Variants in ZFR2 observed in about 807,000 individuals in gnomAD.
The protein encoded by ZFR2 is zinc finger RNA binding protein 2.
Under a neutral mutation model 105.7 loss-of-function variants are expected in ZFR2, and 104 were observed. That is an observed-to-expected ratio of 0.98 (90% CI 0.84 to 1.16). The LOEUF is 1.16. Ranked by LOEUF, ZFR2 falls within the 50% of genes most tolerant of loss-of-function variation. The pLI is 0.00. For missense variants in ZFR2, 1,425 were observed against 1,355.5 expected (o/e 1.05, Z -0.80); for synonymous variants, 634 against 597.7 (o/e 1.06, Z -0.89).
chr19:3,831,174 T>G, intron 5 of ZFR2, 129 bp downstream of exon 5: 1 of 1,322,606 alleles, frequency 7.6e-7, no homozygotes, highest in Non-Finnish European at 1.0e-6. Context: ...GCATACAACA[T>G]GCAAGTTAAC....
At chr19:3,848,452 T>C (rs1169580950) in intron 1 of ZFR2, among the ~76,000 whole-genome samples, 2 of 152,036 alleles carry the variant, frequency 1.3e-5, no homozygotes, top group Admixed American at 1.3e-4. Context: ...GTCTCACACC[T>C]GTAATCCCAG....
intron 13 of ZFR2, among the ~76,000 whole-genome samples, chr19:3,816,262 T>C (rs1360254944): frequency 6.7e-6 from 1 of 150,250 alleles, no homozygotes; most frequent in Admixed American, 6.7e-5. Context: ...TTTTTTTTTT[T>C]TGAGACCCAG....
chr19:3,840,272 C>G (rs574510893), intron 1 of ZFR2, among the ~76,000 whole-genome samples: 1 of 151,386 alleles, frequency 6.6e-6, no homozygotes, highest in Non-Finnish European at 1.5e-5. Context: ...CAGTCTTGCT[C>G]TGTCGCCCAG....
intron 11 of ZFR2, among the ~76,000 whole-genome samples, 160 bp from the exon 12 acceptor site, chr19:3,819,395 G>A (rs887338948): frequency 6.6e-6 from 1 of 152,204 alleles, no homozygotes; most frequent in African/African-American, 2.4e-5. Context: ...CCCGGGGTGG[G>A]GAACAGGGAA....
chr19:3,868,372 C>T (rs1415879671), intron 1 of ZFR2, among the ~76,000 whole-genome samples: 1 of 149,388 alleles, frequency 6.7e-6, no homozygotes, highest in Admixed American at 6.7e-5. Flanking sequence ...TCTTCTCCTC[C>T]CCCCGCAATC....
intron 13 of ZFR2, among the ~76,000 whole-genome samples, chr19:3,815,709 G>T (rs1247849710): frequency 6.6e-6 from 1 of 151,350 alleles, no homozygotes; most frequent in Non-Finnish European, 1.5e-5. Context: ...TCAGCTCCCT[G>T]AGTAGCTGGG....
At chr19:3,833,042 T>C (rs1232536081) in intron 3 of ZFR2, among the ~76,000 whole-genome samples, 2 of 143,604 alleles carry the variant, frequency 1.4e-5, no homozygotes, top group East Asian at 4.3e-4. Context: ...ATGTCAGGAG[T>C]TCAAGACCAG....
At chr19:3,809,078 C>A in intron 16 of ZFR2, 95 bp from the exon 17 acceptor site, 1 of 937,274 alleles carries the variant, frequency 1.1e-6, no homozygotes, top group South Asian at 1.9e-5. Flanking sequence ...GGAGGCCCCC[C>A]TCAGCTCTTT....
chr19:3,860,925 C>T (rs1451466091), intron 1 of ZFR2, among the ~76,000 whole-genome samples: 1 of 152,146 alleles, frequency 6.6e-6, no homozygotes, highest in Admixed American at 6.5e-5. Context: ...CCCAGGTTCT[C>T]ATGAGCAACC....
intron 1 of ZFR2, chr19:3,852,281 C>G: frequency 1.6e-6 from 1 of 606,554 alleles, no homozygotes; most frequent in Non-Finnish European, 3.0e-6. Flanking sequence ...GGTGGCTCTC[C>G]TGGCTGAGGT....
rs934955511 is a variant in ZFR2, at chr19:3,823,676, C to G, written c.1214-273G>C. ...TCGCTTGAGGAACCCACCGACAGCA[C>G]AAAATCCACAGTTAATAGACCATGA... On this transcript the variant is annotated intron_variant, in intron 7 of 18. Transcript: ENST00000262961. The surrounding 1 kb of genome is among the most constrained non-coding windows in gnomAD (Gnocchi z 5.4). Among the ~76,000 whole-genome samples the G allele has an allele frequency of 1.3e-5, 2 of 152,204 alleles. No homozygotes were observed. The highest frequency in any genetic ancestry group is 2.9e-5 in the Non-Finnish European group (2 of 68,046).
In ZFR2 at chr19:3,838,321, C is replaced by T. The variant is rs536752201; in HGVS notation, c.54-3338G>A. 6.6e-6 allele frequency among the ~76,000 whole-genome samples: 1 copy of T among 152,316 alleles called. No individual in the cohort carries two copies. The highest frequency in any genetic ancestry group is 6.5e-5 in the Admixed American group (1 of 15,292). ...GAACACTATGACAGTGGCAGTACTC[C>T]TGTTCCCACACTCCCTCCCGTAGGT... On this transcript the variant is annotated intron_variant, in intron 1 of 18. Transcript: ENST00000262961. The surrounding 1 kb of genome is among the most constrained non-coding windows in gnomAD (Gnocchi z 4.9).
At chr19:3,829,783 G>A (rs1170934228) in intron 5 of ZFR2, among the ~76,000 whole-genome samples, 2 of 152,176 alleles carry the variant, frequency 1.3e-5, no homozygotes, top group African/African-American at 4.8e-5. Flanking sequence ...CAAGGTGCTG[G>A]GATTACAGGC....
intron 1 of ZFR2, among the ~76,000 whole-genome samples, chr19:3,862,354 A>G (rs2038383113): frequency 6.6e-6 from 1 of 152,020 alleles, no homozygotes; most frequent in South Asian, 2.1e-4. Context: ...CTGGAGTGCA[A>G]TGGCGCAATC....
At chr19:3,829,401 G>A (rs953019064) in intron 5 of ZFR2, among the ~76,000 whole-genome samples, 1 of 152,134 alleles carries the variant, frequency 6.6e-6, no homozygotes, top group Non-Finnish European at 1.5e-5. Context: ...ACACCAAGAT[G>A]CTACCGCTAA....
At chr19:3,865,936 C>T (rs2038422356) in intron 1 of ZFR2, among the ~76,000 whole-genome samples, 4 of 152,136 alleles carry the variant, frequency 2.6e-5, no homozygotes, top group Admixed American at 2.0e-4. Flanking sequence ...CCACCTCCCG[C>T]GTTCAAGAGA....
In ZFR2 at chr19:3,835,122, G is replaced by T. The variant is rs916846498; in HGVS notation, c.54-139C>A. ...GAGACCCTCCTAGGAGCCCAGGCAC[G>T]GCCGGAAGCACTTTACACAAATTAA... On this transcript the variant is annotated intron_variant, in intron 1 of 18. Coordinates refer to ENST00000262961, the MANE Select transcript of ZFR2 (RefSeq NM_015174.2). 24 of 928,996 alleles carry T rather than the reference G, an allele frequency of 2.6e-5. No homozygotes were observed. The African/African-American group carries it at 3.9e-4, about 15-fold the overall frequency. 57.5% of individuals were successfully genotyped at this position (928,996 alleles called of 1,614,324 possible).
chr19:3,826,734 G>A (rs1213873315), intron 6 of ZFR2, among the ~76,000 whole-genome samples: 9 of 151,426 alleles, frequency 5.9e-5, no homozygotes, highest in Non-Finnish European at 7.4e-5. Flanking sequence ...CACCACGCCC[G>A]GCCTGACCCA....
At chr19:3,812,101 G>C (rs1476772735) in intron 14 of ZFR2, among the ~76,000 whole-genome samples, 1 of 151,884 alleles carries the variant, frequency 6.6e-6, no homozygotes, top group South Asian at 2.1e-4. Flanking sequence ...ACGCCACCAC[G>C]CCCAGCTAAT....
Sources: gnomAD v4.1 joint callset for allele counts (sites outside exome capture counted in the v4.1 genomes callset) on GRCh38, gnomAD v4.1.1 for gene constraint, Gnocchi (gnomAD v3.1) non-coding constraint, MANE v1.5 for transcripts, NCBI Gene and HGNC (gene_info 2026-07-23, HGNC 2026-07-21) for gene names.